RBMS3: variants seen among roughly 807,000 people sequenced by gnomAD.
The protein encoded by RBMS3 is RNA-binding motif, single-stranded-interacting protein 3.
RBMS3 carries 27 observed loss-of-function variants against 66.8 expected under a neutral mutation model. The ratio of observed to expected loss-of-function variants is 0.40; its 90% confidence interval spans 0.30 to 0.56. RBMS3 has a LOEUF of 0.56. Ranked by LOEUF, RBMS3 falls within the 20% of genes least tolerant of loss-of-function variation. The pLI is 0.40. For missense variants in RBMS3, 513 were observed against 549.5 expected, an observed-to-expected ratio of 0.93 and a Z score of 0.66; for synonymous variants, 188 against 183.0, an observed-to-expected ratio of 1.03 and a Z score of -0.22.
chr3:29,284,784 GTCA>G (rs2032135918), intron 1 of RBMS3, among the ~76,000 whole-genome samples: 1 of 150,120 alleles, frequency 6.7e-6, no homozygotes, highest in Non-Finnish European at 1.5e-5. Context: ...TAACAATGTT[GTCA>G]TCCTGTGCTC....
At chr3:29,374,159 C>T (rs4645104) in intron 1 of RBMS3, among the ~76,000 whole-genome samples, 37,007 of 152,048 alleles carry the variant, frequency 0.24, 4,788 homozygotes, top group Non-Finnish European at 0.29. Flanking sequence ...CAATCCAAAA[C>T]GGCAGAGATC....
intron 3 of RBMS3, among the ~76,000 whole-genome samples, chr3:29,498,256 A>G (rs927274712): frequency 1.2e-4 from 18 of 151,724 alleles, no homozygotes; most frequent in African/African-American, 3.9e-4. Flanking sequence ...CGGCCTCCCA[A>G]AGTGCTGGGA....
At chr3:29,495,970 T>C (rs2043732591) in intron 3 of RBMS3, among the ~76,000 whole-genome samples, 1 of 152,058 alleles carries the variant, frequency 6.6e-6, no homozygotes. Flanking sequence ...ACCAACACCA[T>C]GGAAAGCCTC....
At chr3:29,607,061 A>G (rs952151772) in intron 4 of RBMS3, among the ~76,000 whole-genome samples, 2 of 152,042 alleles carry the variant, frequency 1.3e-5, no homozygotes, top group Non-Finnish European at 2.9e-5. Context: ...AAGTCAGTGT[A>G]TGGAGTATGC....
intron 4 of RBMS3, among the ~76,000 whole-genome samples, chr3:29,720,407 G>T (rs2053592333): frequency 6.6e-6 from 1 of 152,038 alleles, no homozygotes; most frequent in Non-Finnish European, 1.5e-5. Flanking sequence ...TTTACAAAGT[G>T]TCCATTAATC....
At chr3:29,439,786 A>G (rs139492283) in intron 2 of RBMS3, among the ~76,000 whole-genome samples, 11 of 152,150 alleles carry the variant, frequency 7.2e-5, no homozygotes, top group African/African-American at 1.2e-4. Flanking sequence ...TGAACGGGTC[A>G]TCAATATACT....
At chr3:29,576,968 C>G (rs1238264777) in intron 3 of RBMS3, among the ~76,000 whole-genome samples, 1 of 152,166 alleles carries the variant, frequency 6.6e-6, no homozygotes, top group African/African-American at 2.4e-5. Flanking sequence ...GCTTTTTGCT[C>G]TATGCCACAG....
At chr3:29,656,424 A>G (rs1405824974) in intron 4 of RBMS3, among the ~76,000 whole-genome samples, 3 of 152,244 alleles carry the variant, frequency 2.0e-5, no homozygotes, top group Non-Finnish European at 4.4e-5. Context: ...AGAAGCAATA[A>G]GCAACACCAT....
chr3:29,475,768 A>G (rs1051924308), intron 2 of RBMS3, among the ~76,000 whole-genome samples: 1 of 152,234 alleles, frequency 6.6e-6, no homozygotes, highest in Admixed American at 6.5e-5. Context: ...TCAAGAAAGT[A>G]TGAAAGCAGT....
intron 1 of RBMS3, among the ~76,000 whole-genome samples, chr3:29,351,208 A>T (rs1380407953): frequency 6.6e-6 from 1 of 152,118 alleles, no homozygotes; most frequent in Non-Finnish European, 1.5e-5. Context: ...ACAAATAATG[A>T]CGTGATGAAC....
chr3:29,733,901 C>A (rs2054248039), intron 4 of RBMS3, among the ~76,000 whole-genome samples: 1 of 151,978 alleles, frequency 6.6e-6, no homozygotes, highest in Non-Finnish European at 1.5e-5. Context: ...AGTCTTTAAG[C>A]CGTTTTGAGA....
chr3:29,773,805 C>A (rs1015796112), intron 6 of RBMS3, among the ~76,000 whole-genome samples: 5 of 151,992 alleles, frequency 3.3e-5, no homozygotes, highest in Non-Finnish European at 7.4e-5. Flanking sequence ...TATCAATATC[C>A]CAGTTCTTCT....
chr3:29,717,061 G>C (rs1389206295), intron 4 of RBMS3, among the ~76,000 whole-genome samples: 1 of 152,004 alleles, frequency 6.6e-6, no homozygotes, highest in Non-Finnish European at 1.5e-5. Context: ...TTGCATTCTA[G>C]AGTGACTGCC....
intron 1 of RBMS3, among the ~76,000 whole-genome samples, chr3:29,390,368 T>G (rs189559377): frequency 0.011 from 1,662 of 152,266 alleles, 41 homozygotes; most frequent in African/African-American, 0.039. Context: ...TTTAAAGAGA[T>G]ATTTTATTAT....
intron 1 of RBMS3, among the ~76,000 whole-genome samples, chr3:29,345,876 C>T (rs1483245588): frequency 1.3e-5 from 2 of 152,176 alleles, no homozygotes; most frequent in African/African-American, 4.8e-5. Flanking sequence ...GTTATACCCC[C>T]AGACTGTACA....
Position 29,538,528 on chromosome 3 carries a change from G to A in RBMS3, c.308-48586G>A, listed in dbSNP as rs1387764790. 3.3e-5 allele frequency among the ~76,000 whole-genome samples: 5 copies of A among 152,314 alleles called. 1 individual carries two copies. In the East Asian group the frequency reaches 7.7e-4, roughly 23 times the overall value. On this transcript the variant is annotated intron_variant, in intron 3 of 14. Transcript: ENST00000383767. ...TGCCAAAGTTTTTCCTGGCAGAAAT[G>A]TCTAAAAGATGTTCTTAATTTGTTT...
intron 5 of RBMS3, among the ~76,000 whole-genome samples, chr3:29,751,336 G>T (rs902074539): frequency 1.3e-5 from 2 of 151,990 alleles, no homozygotes; most frequent in Non-Finnish European, 2.9e-5. Flanking sequence ...CACAAAATAA[G>T]ATTTCCATAA....
intron 1 of RBMS3, among the ~76,000 whole-genome samples, chr3:29,385,852 T>G (rs567935425): frequency 1.3e-5 from 2 of 152,354 alleles, no homozygotes; most frequent in South Asian, 4.1e-4. Context: ...TTGTTCCTAT[T>G]TTAGCAGCTC....
rs530204708 is a variant in RBMS3 at position 29,994,408 on chromosome 3, C to T, written c.1307+3199C>T. 1.7e-4 allele frequency among the ~76,000 whole-genome samples: 26 copies of T among 152,234 alleles called. 1 individual carries two copies. Among genetic ancestry groups the T allele is most frequent in the Admixed American group, 1.7e-3 (26 of 15,278 alleles). ...AGGTAAACAAAGCATCCCGGAAGCT[C>T]CAACTGGGTGGAGCCCACCACAGCT... is the stretch of plus-strand genomic sequence containing the variant. On this transcript the variant is annotated intron_variant, in intron 14 of 14. Coordinates refer to ENST00000383767, the MANE Select transcript of RBMS3 (RefSeq NM_001003793.3).
Sources: allele counts gnomAD v4.1 joint callset (sites outside exome capture counted in the v4.1 genomes callset), GRCh38; gene constraint gnomAD v4.1.1; transcripts MANE v1.5; gene names NCBI Gene and HGNC (gene_info 2026-07-23, HGNC 2026-07-21).